The following CTNND2 variants were observed in gnomAD, a reference collection of about 807,000 sequenced individuals.
CTNND2 encodes catenin delta 2.
Under a neutral mutation model 144.4 loss-of-function variants are expected in CTNND2, and 22 were observed. The ratio of observed to expected loss-of-function variants is 0.15; its 90% CI spans 0.11 to 0.22. CTNND2 has a LOEUF of 0.22. CTNND2 is among the 10% of genes least tolerant of loss of function. CTNND2 has a pLI of 1.00. For synonymous variants in CTNND2, 751 were observed against 695.6 expected (o/e 1.08, Z -1.25); for missense variants, 1,353 against 1,618.8 (o/e 0.84, Z 2.82).
At chr5:11,793,315 C>T (rs1418762342) in intron 1 of CTNND2, among the ~76,000 whole-genome samples, 3 of 152,152 alleles carry the variant, frequency 2.0e-5, no homozygotes, top group East Asian at 1.9e-4. Context: ...GTCCAAAAAA[C>T]CTGGATTCAT....
chr5:11,672,954 A>G (rs1581701272), intron 2 of CTNND2, among the ~76,000 whole-genome samples: 4 of 152,242 alleles, frequency 2.6e-5, no homozygotes, highest in African/African-American at 4.8e-5. Context: ...ACCAGTCACA[A>G]TGAGATGAAC....
chr5:11,427,359 C>A (rs10474676), intron 3 of CTNND2, among the ~76,000 whole-genome samples: 7,623 of 148,422 alleles, frequency 0.051, 604 homozygotes, highest in African/African-American at 0.17. Context: ...CTCACTGGAA[C>A]CTTTGCCTCC....
intron 1 of CTNND2, among the ~76,000 whole-genome samples, chr5:11,866,709 A>G (rs1795785468): frequency 6.6e-6 from 1 of 152,238 alleles, no homozygotes; most frequent in Non-Finnish European, 1.5e-5. Context: ...GCCACAATGT[A>G]ATCACCTTTC....
At chr5:11,673,239 C>T (rs1245824889) in intron 2 of CTNND2, among the ~76,000 whole-genome samples, 1 of 152,078 alleles carries the variant, frequency 6.6e-6, no homozygotes, top group Admixed American at 6.5e-5. Context: ...ATCACATTTT[C>T]CCACCCAAGC....
chr5:11,776,503 T>C (rs1383431200), intron 1 of CTNND2, among the ~76,000 whole-genome samples: 2 of 152,214 alleles, frequency 1.3e-5, no homozygotes, highest in Non-Finnish European at 2.9e-5. Flanking sequence ...CTTTCATTAT[T>C]TGAATAGATA....
chr5:11,227,001 C>T (rs1288532512), intron 10 of CTNND2, among the ~76,000 whole-genome samples: 1 of 152,112 alleles, frequency 6.6e-6, no homozygotes, highest in African/African-American at 2.4e-5. Flanking sequence ...ATTCTAACTT[C>T]CTAAAGGGCA....
At chr5:11,053,793 G>A (rs1363960717) in intron 16 of CTNND2, among the ~76,000 whole-genome samples, 1 of 152,190 alleles carries the variant, frequency 6.6e-6, no homozygotes, top group Non-Finnish European at 1.5e-5. Flanking sequence ...TATAATGACA[G>A]GTACTTGGGA....
chr5:11,216,864 C>T (rs1279724955), intron 10 of CTNND2, among the ~76,000 whole-genome samples: 1 of 152,216 alleles, frequency 6.6e-6, no homozygotes, highest in Non-Finnish European at 1.5e-5. Flanking sequence ...AAGCTGCTCC[C>T]TCCAGGAGGT....
At chr5:11,250,491 C>CTCTCTCTCTCTCTATA (rs869141186) in intron 9 of CTNND2, among the ~76,000 whole-genome samples, 4 of 64,106 alleles carry the variant, frequency 6.2e-5, no homozygotes, top group African/African-American at 2.6e-4. Context: ...CTCTCTCTCT[C>CTCTCTCTCTCTCTATA]TATATATATA....
intron 10 of CTNND2, among the ~76,000 whole-genome samples, chr5:11,232,252 G>A (rs1000859674): frequency 3.9e-5 from 6 of 152,224 alleles, no homozygotes; most frequent in African/African-American, 1.2e-4. Flanking sequence ...TAGTGGAGCT[G>A]TGAGAAGAGG....
chr5:11,602,937 G>GA (rs35925768), intron 2 of CTNND2, among the ~76,000 whole-genome samples: 12,573 of 150,984 alleles, frequency 0.083, 1,174 homozygotes, highest in African/African-American at 0.23. Flanking sequence ...ATTGATGAGG[G>GA]AAAAAATCCA....
intron 8 of CTNND2, among the ~76,000 whole-genome samples, chr5:11,360,025 G>T (rs184328092): frequency 1.0e-3 from 154 of 152,210 alleles, no homozygotes; most frequent in Admixed American, 1.4e-3. Flanking sequence ...TAACATTATG[G>T]CTAGGTAGCT....
At chr5:11,356,145 C>T (rs1483859141) in intron 8 of CTNND2, among the ~76,000 whole-genome samples, 2 of 152,016 alleles carry the variant, frequency 1.3e-5, no homozygotes, top group African/African-American at 4.8e-5. Flanking sequence ...AGATTTACTA[C>T]AATCCCTACC....
At chr5:11,608,842 TCAG>T (rs767730789) in intron 2 of CTNND2, among the ~76,000 whole-genome samples, 1 of 152,160 alleles carries the variant, frequency 6.6e-6, no homozygotes, top group South Asian at 2.1e-4. Flanking sequence ...GAAATCATCA[TCAG>T]CAGCAGCAGC....
At chr5:11,828,243 T>A (rs1335452935) in intron 1 of CTNND2, among the ~76,000 whole-genome samples, 1 of 152,138 alleles carries the variant, frequency 6.6e-6, no homozygotes, top group South Asian at 2.1e-4. Flanking sequence ...AAAGGGGAGT[T>A]TCCCGGCCGG....
At chr5:11,469,416 C>T (rs918092968) in intron 3 of CTNND2, among the ~76,000 whole-genome samples, 5 of 152,148 alleles carry the variant, frequency 3.3e-5, no homozygotes, top group Admixed American at 1.3e-4. Flanking sequence ...AGAGAGTACA[C>T]GAAATCCACA....
At chr5:11,713,583 C>CAAAAA (rs1165519277) in intron 2 of CTNND2, among the ~76,000 whole-genome samples, 12 of 57,822 alleles carry the variant, frequency 2.1e-4, no homozygotes, top group African/African-American at 2.8e-4. Context: ...GACTCCATCT[C>CAAAAA]AAAAAAAAAA....
At chr5:11,114,949 T>C (rs2149690816) in intron 13 of CTNND2, among the ~76,000 whole-genome samples, 1 of 149,276 alleles carries the variant, frequency 6.7e-6, no homozygotes, top group Non-Finnish European at 1.5e-5. Context: ...CTGAGTAACA[T>C]CACATCTGAT....
At chr5:11,578,870 T>C (rs1313023664) in intron 2 of CTNND2, among the ~76,000 whole-genome samples, 1 of 152,158 alleles carries the variant, frequency 6.6e-6, no homozygotes, top group African/African-American at 2.4e-5. Context: ...TGTATGCATG[T>C]CAACGCTTTT....
Sources: allele counts gnomAD v4.1 joint callset (sites outside exome capture counted in the v4.1 genomes callset), GRCh38; gene constraint gnomAD v4.1.1; transcripts MANE v1.5; gene names NCBI Gene and HGNC (gene_info 2026-07-23, HGNC 2026-07-21).